Variants in INTS7 observed in about 807,000 individuals in gnomAD.
The protein encoded by INTS7 is chromosome 1 open reading frame 73.
Under a neutral mutation model 109.2 loss-of-function variants are expected in INTS7, and 46 were observed. The ratio of observed to expected loss-of-function variants is 0.42; its 90% CI spans 0.33 to 0.54. INTS7 has a LOEUF of 0.54. Among genes scored for constraint, INTS7 ranks in the 20% least tolerant of loss-of-function variants. The probability of loss-of-function intolerance (pLI) is 0.07; values close to 1 mark genes in which losing one functional copy is unlikely to be tolerated. For missense variants in INTS7, 929 were observed against 1,132.4 expected, an observed-to-expected ratio of 0.82 and a Z score of 2.58; for synonymous variants, 412 against 402.9, an observed-to-expected ratio of 1.02 and a Z score of -0.27.
chr1:211,996,940 C>T (rs563841792), intron 7 of INTS7, among the ~76,000 whole-genome samples: 29 of 152,182 alleles, frequency 1.9e-4, no homozygotes, highest in Admixed American at 7.9e-4. Flanking sequence ...GTGAGGATCG[C>T]TTAAGCCTGG....
At position 211,941,584 on chromosome 1, in the gene INTS7, C is replaced by G; in HGVS notation, c.*240G>C. 2 of 519,988 alleles carry G rather than the reference C, an allele frequency of 3.8e-6. No individual in the cohort carries two copies. The highest frequency in any genetic ancestry group is 6.8e-6 in the Non-Finnish European group (2 of 294,008). 32.2% of individuals were successfully genotyped at this position (519,988 alleles called of 1,614,324 possible). On this transcript the variant is annotated 3_prime_UTR_variant, in exon 20 of 20. Transcript: ENST00000366994. Reference sequence around the variant, plus strand: ...CTGTGTTAGCCAGGATGGTCTTGATCTCCTCGTGAGCCGCCCACCTCAGCC... The same window carrying G: ...CTGTGTTAGCCAGGATGGTCTTGATGTCCTCGTGAGCCGCCCACCTCAGCC...
At chr1:212,010,260 A>C (rs1432853192) in intron 5 of INTS7, among the ~76,000 whole-genome samples, 9 of 152,222 alleles carry the variant, frequency 5.9e-5, no homozygotes, top group Non-Finnish European at 8.8e-5. Context: ...CTGTAGCCCA[A>C]GAGCTCCCTT....
rs1664368418 is a variant in INTS7, at chr1:211,975,257, A to G, written c.1724T>C (p.Leu575Pro). The change falls in exon 13 of 20, where the codon CTC becomes CCC. Residue 575 changes from leucine (L) to proline (P), a missense_variant. Around this residue, in one of 2 missense-constraint regions of INTS7, gnomAD observed 787 missense variants for 901.1 expected, o/e 0.87. Transcript: ENST00000366994. ...LKEFSHAEQC[L>P]TGLQEENYSS... ...ATAATTTTCCTCTTGCAACCCAGTGAGACACTGTTCTGCATGTGAAAACTC... is the reference window on the plus strand; with the variant it reads ...ATAATTTTCCTCTTGCAACCCAGTGGGACACTGTTCTGCATGTGAAAACTC... The G allele has an allele frequency of 6.2e-7, 1 of 1,613,462 alleles. No homozygotes were observed. The highest frequency in any genetic ancestry group is 1.3e-5 in the African/African-American group (1 of 74,920).
At position 211,967,945 on chromosome 1, in the gene INTS7, A is replaced by T. The variant is rs750815447; in HGVS notation, c.2047T>A (p.Ser683Thr). Residue 683 changes from serine (S) to threonine (T), a missense_variant, in exon 15 of 20, where the codon TCT becomes ACT. Physicochemically the swap from Ser to Thr is moderately conservative, Grantham distance 58 (BLOSUM62 1). This residue lies in a region of INTS7 where 787 missense variants were observed against 901.1 expected (regional missense o/e 0.87). Coordinates refer to ENST00000366994, the MANE Select transcript of INTS7 (RefSeq NM_015434.4). ...QSMEEFRSLASRYGDLYQASF... is the reference protein window; with the variant it reads ...QSMEEFRSLATRYGDLYQASF... Reference sequence around the variant, plus strand: ...GCCTGGTAAAGATCTCCATATCGAGAAGCAAGGCTTCGAAATTCTTCCATG... The same window carrying T: ...GCCTGGTAAAGATCTCCATATCGAGTAGCAAGGCTTCGAAATTCTTCCATG... 5.0e-6 allele frequency: 8 copies of T among 1,607,388 alleles called. No homozygotes were observed. The highest frequency in any genetic ancestry group is 5.9e-6 in the Non-Finnish European group (7 of 1,176,884).
At position 211,952,485 on chromosome 1, in the gene INTS7, G is replaced by C. The variant is rs77908158; in HGVS notation, c.2316+84C>G. ...GAAACAGGCACAGAAAGGTTAATTT[G>C]TTGAACTCACACAGTAAGTGCCATA... On this transcript the variant is annotated intron_variant, in intron 17 of 19. Transcript: ENST00000366994. 6,060 of 1,383,470 alleles carry C rather than the reference G, an allele frequency of 4.4e-3. 170 individuals are homozygous for C. In the African/African-American group the frequency reaches 0.072, roughly 16 times the overall value. 85.7% of individuals were successfully genotyped at this position (1,383,470 alleles called of 1,614,324 possible). A position where few individuals can be genotyped will look rare whatever the true frequency, so the allele number is the denominator to read the frequency against.
At chr1:211,965,052 T>C (rs920573178) in intron 16 of INTS7, among the ~76,000 whole-genome samples, 2 of 152,256 alleles carry the variant, frequency 1.3e-5, no homozygotes, top group Non-Finnish European at 2.9e-5. Context: ...TTTCTAACTA[T>C]GCATCTGACA....
chr1:211,956,164 T>C (rs1011376354), intron 16 of INTS7, among the ~76,000 whole-genome samples: 3 of 152,228 alleles, frequency 2.0e-5, no homozygotes, highest in Admixed American at 6.5e-5. Flanking sequence ...GAAAAGACTA[T>C]TCTTTTCCCA....
At chr1:211,989,191 A>T (rs972615634) in intron 7 of INTS7, among the ~76,000 whole-genome samples, 3 of 152,212 alleles carry the variant, frequency 2.0e-5, no homozygotes, top group Non-Finnish European at 4.4e-5. Flanking sequence ...GATGATTTAG[A>T]TTATCTGATT....
rs11423688 is a variant in INTS7 at position 212,018,503 on chromosome 1, T to TAA, written c.372-1482_372-1481dup. On this transcript the variant is annotated intron_variant, in intron 3 of 19. Coordinates refer to ENST00000366994, the MANE Select transcript of INTS7 (RefSeq NM_015434.4). ...CTATTCTTTTCTATTATCTTTTGAT[T>TAA]AAAAAAAAAAAACCATGTTTGTGAA... Among the ~76,000 whole-genome samples, 227 of 146,496 alleles carry TAA rather than the reference T, an allele frequency of 1.5e-3. 1 individual carries two copies. The highest frequency in any genetic ancestry group is 0.011 in the East Asian group (57 of 5,118).
chr1:211,989,284 A>AAT (rs1397374290), intron 7 of INTS7, among the ~76,000 whole-genome samples: 1 of 152,186 alleles, frequency 6.6e-6, no homozygotes, highest in African/African-American at 2.4e-5. Context: ...ACTAGAATTT[A>AAT]ATATATGATA....
In INTS7 at chr1:211,946,928, A is replaced by T. The variant is rs1307649668; in HGVS notation, c.2317-223T>A. Among the ~76,000 whole-genome samples the T allele has an allele frequency of 6.6e-6, 1 of 152,102 alleles. No homozygotes were observed. Among genetic ancestry groups the T allele is most frequent in the Admixed American group, 6.5e-5 (1 of 15,278 alleles). On this transcript the variant is annotated intron_variant, in intron 17 of 19. Transcript: ENST00000366994. This position sits in a 1 kb window ranked among gnomAD's most constrained non-coding sequence, Gnocchi z 4.3. Reference sequence around the variant, plus strand: ...ATATTCAATAAAATATAAGTGACAGAAATGAGAAAATCCACAGTCCTCGAG... The same window carrying T: ...ATATTCAATAAAATATAAGTGACAGTAATGAGAAAATCCACAGTCCTCGAG...
At chr1:212,024,919 T>C (rs1666854922) in intron 1 of INTS7, among the ~76,000 whole-genome samples, 1 of 152,216 alleles carries the variant, frequency 6.6e-6, no homozygotes, top group South Asian at 2.1e-4. Flanking sequence ...CATAGAAAGG[T>C]ACACCTCAAA....
At chr1:211,965,185 TA>T (rs199649794) in intron 16 of INTS7, among the ~76,000 whole-genome samples, 12,854 of 137,184 alleles carry the variant, frequency 0.094, 544 homozygotes, top group Non-Finnish European at 0.1. Flanking sequence ...AACAAGCACA[TA>T]AAAAAAAAAA....
intron 8 of INTS7, among the ~76,000 whole-genome samples, chr1:211,983,759 A>AT (rs1446281819): frequency 6.6e-6 from 1 of 152,206 alleles, no homozygotes; most frequent in Non-Finnish European, 1.5e-5. Context: ...CTGTGGTGAC[A>AT]TGGGACCTAT....
chr1:212,004,104 G>A (rs1382937065), intron 7 of INTS7, among the ~76,000 whole-genome samples: 4 of 152,256 alleles, frequency 2.6e-5, no homozygotes, highest in Admixed American at 2.0e-4. Context: ...CAGCACTTTC[G>A]GAGGCTGAGG....
At chr1:212,020,405 G>GT in intron 2 of INTS7, 137 bp from the exon 3 acceptor site, 1 of 627,366 alleles carries the variant, frequency 1.6e-6, no homozygotes, top group Non-Finnish European at 2.7e-6. Context: ...ACTACTAAAA[G>GT]AGTTAAAGTT....
intron 1 of INTS7, among the ~76,000 whole-genome samples, chr1:212,025,115 G>A (rs1558060162): frequency 6.6e-6 from 1 of 152,116 alleles, no homozygotes; most frequent in African/African-American, 2.4e-5. Flanking sequence ...AAAAAGGCAG[G>A]GAAAATTCTT....
intron 1 of INTS7, among the ~76,000 whole-genome samples, chr1:212,032,912 T>C (rs1266857357): frequency 6.6e-6 from 1 of 152,244 alleles, no homozygotes; most frequent in East Asian, 1.9e-4. Context: ...TTGCCTATAC[T>C]TCATAAAATA....
At chr1:212,012,357 C>A (rs1158763192) in intron 4 of INTS7, among the ~76,000 whole-genome samples, 1 of 151,960 alleles carries the variant, frequency 6.6e-6, no homozygotes, top group East Asian at 1.9e-4. Flanking sequence ...CAAAACTGAT[C>A]AATACAGATA....
Sources: gnomAD v4.1 joint callset for allele counts (sites outside exome capture counted in the v4.1 genomes callset) on GRCh38, gnomAD v4.1.1 for gene constraint, gnomAD v4.1.1 regional missense constraint, Gnocchi (gnomAD v3.1) non-coding constraint, MANE v1.5 for transcripts, NCBI Gene and HGNC (gene_info 2026-07-23, HGNC 2026-07-21) for gene names.